USP28: variants seen among roughly 807,000 people sequenced by gnomAD.
USP28 encodes ubiquitin carboxyl-terminal hydrolase 28.
Under a neutral mutation model 145.0 loss-of-function variants are expected in USP28, and 113 were observed. The ratio of observed to expected loss-of-function variants is 0.78; its 90% CI spans 0.67 to 0.91. The LOEUF is 0.91. Ranked by LOEUF, USP28 falls within the 40% of genes least tolerant of loss-of-function variation. The pLI is 0.00. For synonymous variants in USP28, 447 were observed against 450.9 expected (o/e 0.99, Z 0.11); for missense variants, 1,201 against 1,289.6 (o/e 0.93, Z 1.05).
chr11:113,818,069 G>A, intron 12 of USP28: 1 of 420,236 alleles, frequency 2.4e-6, no homozygotes. Flanking sequence ...TTTCAAATAG[G>A]CTCCTAATCA....
At position 113,874,423 on chromosome 11, in the gene USP28, GAAAAAAAAAAAAAA is replaced by G. The variant is rs778295743; in HGVS notation, c.57+1008_57+1021del. On this transcript the variant is annotated intron_variant, in intron 1 of 24. Transcript: ENST00000003302. ...CTAGGCAACAGAGGGAGACTCTGTC[GAAAAAAAAAAAAAA>G]AAAAAAAAAAAAGTGTCTCCATGCT... The G allele has an allele frequency of 1.0e-4, 43 of 414,072 alleles. No homozygotes were observed. The East Asian group carries it at 1.5e-3, about 15-fold the overall frequency. 25.6% of individuals were successfully genotyped at this position (414,072 alleles called of 1,614,324 possible). A position where few individuals can be genotyped will look rare whatever the true frequency, so the allele number is the denominator to read the frequency against.
At chr11:113,871,933 A>G (rs770595977) in intron 1 of USP28, among the ~76,000 whole-genome samples, 10 of 152,314 alleles carry the variant, frequency 6.6e-5, no homozygotes, top group Non-Finnish European at 1.3e-4. Context: ...AGAACTGCCT[A>G]GATACAATTC....
At chr11:113,802,610 G>A (rs1939232839) in intron 23 of USP28, among the ~76,000 whole-genome samples, 1 of 152,174 alleles carries the variant, frequency 6.6e-6, no homozygotes, top group East Asian at 1.9e-4. Flanking sequence ...GTGCAAATCA[G>A]GCCAGGAGAG....
chr11:113,831,702 G>GAA (rs112521515), intron 8 of USP28, among the ~76,000 whole-genome samples: 1 of 142,606 alleles, frequency 7.0e-6, no homozygotes, highest in Admixed American at 7.1e-5. Flanking sequence ...CCTTTAGTTA[G>GAA]AAAAAAAAAA....
chr11:113,799,706 TG>T (rs1173340067), intron 24 of USP28, among the ~76,000 whole-genome samples: 1 of 152,246 alleles, frequency 6.6e-6, no homozygotes. Context: ...ATAGATATGA[TG>T]GTAATTATTT....
In USP28 at chr11:113,823,736, TA is replaced by T. The variant is rs781723701; in HGVS notation, c.1188-37del. On this transcript the variant is annotated intron_variant, in intron 11 of 24. Coordinates refer to ENST00000003302, the Ensembl canonical transcript of USP28. ...AATCCCACAAACACAATTTATATTA[TA>T]AAACATTAATGACATAAAGTCTCAG... 11 of 1,497,232 alleles carry T rather than the reference TA, an allele frequency of 7.3e-6. No individual in the cohort carries two copies. In the Admixed American group the frequency reaches 2.1e-4, roughly 29 times the overall value. 92.7% of individuals were successfully genotyped at this position (1,497,232 alleles called of 1,614,324 possible).
chr11:113,826,717 C>T (rs138096456), intron 11 of USP28, among the ~76,000 whole-genome samples: 18,069 of 151,682 alleles, frequency 0.12, 1,083 homozygotes, highest in Middle Eastern at 0.16. Context: ...GTCGGGAGTT[C>T]GCGACCAGCC....
chr11:113,869,326 G>A (rs943727710), intron 1 of USP28, among the ~76,000 whole-genome samples: 7 of 152,224 alleles, frequency 4.6e-5, no homozygotes, highest in Admixed American at 2.6e-4. Flanking sequence ...CTACTTGGGA[G>A]GCAGAGGCAG....
At chr11:113,813,394 C>T (rs1376394995) in intron 15 of USP28, among the ~76,000 whole-genome samples, 1 of 152,202 alleles carries the variant, frequency 6.6e-6, no homozygotes, top group African/African-American at 2.4e-5. Flanking sequence ...TTTACCCCTC[C>T]ATTCCCAGAA....
chr11:113,810,461 T>A (rs905560161), intron 16 of USP28, among the ~76,000 whole-genome samples: 3 of 152,254 alleles, frequency 2.0e-5, no homozygotes, highest in African/African-American at 7.2e-5. Context: ...TTTCCACTTG[T>A]TTGTTTCTAT....
chr11:113,861,111 G>A (rs1354502023), intron 1 of USP28, among the ~76,000 whole-genome samples: 2 of 144,012 alleles, frequency 1.4e-5, no homozygotes, highest in East Asian at 4.1e-4. Context: ...GCGACAAAGC[G>A]AGACTACACC....
intron 5 of USP28, among the ~76,000 whole-genome samples, chr11:113,836,732 C>T (rs1944607695): frequency 6.6e-6 from 1 of 152,130 alleles, no homozygotes; most frequent in South Asian, 2.1e-4. Flanking sequence ...TGCATCCTTG[C>T]CCCTCCATCC....
In USP28 at chr11:113,804,762, C is replaced by T; in HGVS notation, c.2580-11G>A. The T allele has an allele frequency of 6.2e-7, 1 of 1,612,408 alleles. No homozygotes were observed. Among genetic ancestry groups the T allele is most frequent in the South Asian group, 1.1e-5 (1 of 91,060 alleles). The stretch of plus-strand genomic sequence containing the variant: ...ATAATGCTGATTGATCTGTGTGGGA[C>T]AAAGTTCAGAAAGCAATGAAAAGGC... On this transcript the variant is annotated splice_polypyrimidine_tract_variant and intron_variant, in intron 20 of 24. Transcript: ENST00000003302.
At chr11:113,869,839 C>G (rs1411347009) in intron 1 of USP28, among the ~76,000 whole-genome samples, 1 of 152,102 alleles carries the variant, frequency 6.6e-6, no homozygotes, top group Non-Finnish European at 1.5e-5. Context: ...CACTGGGAAA[C>G]AGAGTATAGA....
chr11:113,824,878 C>T (rs933841896), intron 11 of USP28, among the ~76,000 whole-genome samples: 1 of 149,924 alleles, frequency 6.7e-6, no homozygotes, highest in Admixed American at 6.7e-5. Context: ...TTGCGGTGAG[C>T]CAAGATCGCA....
chr11:113,875,081 A>C (rs1221668975), intron 1 of USP28, among the ~76,000 whole-genome samples: 1 of 152,206 alleles, frequency 6.6e-6, no homozygotes, highest in African/African-American at 2.4e-5. Context: ...TCAAAGCAAA[A>C]CAAAACCAAC....
At chr11:113,857,363 A>C (rs761421835) in intron 1 of USP28, among the ~76,000 whole-genome samples, 1 of 152,206 alleles carries the variant, frequency 6.6e-6, no homozygotes, top group Non-Finnish European at 1.5e-5. Flanking sequence ...CATTCCTCCA[A>C]AGGTAAATAT....
exon 25 of USP28, chr11:113,799,101 C>G: frequency 3.2e-6 from 3 of 925,506 alleles, no homozygotes; most frequent in Non-Finnish European, 4.8e-6. Context: ...TCCTTCTTTA[C>G]ACATGCAGCA....
At chr11:113,841,640 G>T in intron 4 of USP28, 23 bp downstream of exon 4, 1 of 1,527,384 alleles carries the variant, frequency 6.5e-7, no homozygotes, top group Non-Finnish European at 9.0e-7. Flanking sequence ...TGGGGGGCAA[G>T]AATTATAAGT....
Sources: allele counts gnomAD v4.1 joint callset (sites outside exome capture counted in the v4.1 genomes callset), GRCh38; gene constraint gnomAD v4.1.1; transcripts MANE v1.5; gene names NCBI Gene and HGNC (gene_info 2026-07-23, HGNC 2026-07-21).